Variants in RBPMS observed in about 807,000 individuals in gnomAD.
The protein encoded by RBPMS is RNA binding protein, mRNA processing factor, also known as RNA-binding protein with multiple splicing.
A neutral mutation model predicts 26.8 loss-of-function variants in RBPMS; 7 were observed. That is an observed-to-expected ratio of 0.26 (90% CI 0.15 to 0.49). The LOEUF (loss-of-function observed/expected upper bound fraction) is 0.49, where lower values mean the gene tolerates loss of function less well. Ranked by LOEUF, RBPMS falls within the 20% of genes least tolerant of loss-of-function variation. The pLI is 0.98. For synonymous variants in RBPMS, 96 were observed against 93.3 expected (o/e 1.03, Z -0.17); for missense variants, 186 against 250.0 (o/e 0.74, Z 1.73).
intron 1 of RBPMS, among the ~76,000 whole-genome samples, chr8:30,463,119 T>C (rs1209175160): frequency 2.0e-5 from 3 of 152,156 alleles, no homozygotes; most frequent in Non-Finnish European, 4.4e-5. Flanking sequence ...AAAATGCATC[T>C]TTTTTGTGAA....
intron 3 of RBPMS, 101 bp from the exon 4 acceptor site, chr8:30,479,214 T>C: frequency 1.2e-6 from 1 of 845,182 alleles, no homozygotes; most frequent in Non-Finnish European, 1.9e-6. Flanking sequence ...TTGCCTGTGG[T>C]CATTTCTTTA....
In RBPMS at chr8:30,479,426, G is replaced by A. The variant is rs768344675; in HGVS notation, c.246+49G>A. ...AGGGGGTTTCCATATGAGGTGGTGGGAAGTAATGGAATCTCTTTGGACGGG... is the reference window on the plus strand; with the variant it reads ...AGGGGGTTTCCATATGAGGTGGTGGAAAGTAATGGAATCTCTTTGGACGGG... On this transcript the variant is annotated intron_variant, in intron 4 of 8. Transcript: ENST00000397323. 2.4e-5 allele frequency: 31 copies of A among 1,284,888 alleles called. No individual in the cohort carries two copies. The Admixed American group carries it at 4.0e-4, about 17-fold the overall frequency. 79.6% of individuals were successfully genotyped at this position (1,284,888 alleles called of 1,614,324 possible). A position where few individuals can be genotyped will look rare whatever the true frequency, so the allele number is the denominator to read the frequency against.
intron 5 of RBPMS, among the ~76,000 whole-genome samples, chr8:30,525,707 C>T (rs1367756277): frequency 6.6e-6 from 1 of 152,172 alleles, no homozygotes; most frequent in Non-Finnish European, 1.5e-5. Context: ...TGCGGGGGAA[C>T]GTAGGTAGGT....
chr8:30,427,758 G>A (rs966366934), intron 1 of RBPMS, among the ~76,000 whole-genome samples: 2 of 152,208 alleles, frequency 1.3e-5, no homozygotes, highest in Admixed American at 6.5e-5. Context: ...CAAGTGGGTT[G>A]TGGGGTTAGA....
At chr8:30,392,100 T>A (rs1302718767) in intron 1 of RBPMS, among the ~76,000 whole-genome samples, 1 of 152,014 alleles carries the variant, frequency 6.6e-6, no homozygotes, top group African/African-American at 2.4e-5. Context: ...TTAATGGTGA[T>A]GCCCCTGTAT....
chr8:30,556,599 C>T, intron 6 of RBPMS: 1 of 986,496 alleles, frequency 1.0e-6, no homozygotes, highest in South Asian at 4.7e-5. Flanking sequence ...CCAGTCACAC[C>T]ACTGCGCTCC....
intron 1 of RBPMS, among the ~76,000 whole-genome samples, chr8:30,386,675 T>A (rs1585311668): frequency 6.6e-6 from 1 of 152,174 alleles, no homozygotes; most frequent in South Asian, 2.1e-4. Flanking sequence ...CTTAAAAAAA[T>A]TTAAAAATAA....
intron 1 of RBPMS, among the ~76,000 whole-genome samples, chr8:30,419,551 T>G (rs1810513551): frequency 6.6e-6 from 1 of 151,802 alleles, no homozygotes; most frequent in Admixed American, 6.6e-5. Flanking sequence ...CTGAAGCTTT[T>G]TGAGCACTGA....
intron 1 of RBPMS, among the ~76,000 whole-genome samples, chr8:30,411,038 C>T (rs139867726): frequency 2.0e-5 from 3 of 152,172 alleles, no homozygotes; most frequent in South Asian, 4.2e-4. Flanking sequence ...TGTGCCTGGC[C>T]GTGAAATTTT....
chr8:30,493,910 T>C (rs1162107933), intron 4 of RBPMS, among the ~76,000 whole-genome samples: 1 of 152,192 alleles, frequency 6.6e-6, no homozygotes, highest in Non-Finnish European at 1.5e-5. Context: ...ACAAAGCAGA[T>C]TCTCCTAGGG....
intron 6 of RBPMS, among the ~76,000 whole-genome samples, chr8:30,549,793 T>TCTCTCTCTCTCTCTCTCTCTCTCCCTCC (rs1464873852): frequency 9.1e-6 from 1 of 109,368 alleles, no homozygotes; most frequent in African/African-American, 4.1e-5. Context: ...TCTCTCTCTC[T>TCTCTCTCTCTCTCTCTCTCTCTCCCTCC]CTCCCCTCTC....
intron 3 of RBPMS, among the ~76,000 whole-genome samples, 169 bp from the exon 4 acceptor site, chr8:30,479,146 A>G (rs1818016367): frequency 6.6e-6 from 1 of 152,156 alleles, no homozygotes. Context: ...CATATTAGAA[A>G]TTTGGCTAAG....
chr8:30,386,637 G>A (rs920198217), intron 1 of RBPMS, among the ~76,000 whole-genome samples: 1 of 151,920 alleles, frequency 6.6e-6, no homozygotes, highest in African/African-American at 2.4e-5. Flanking sequence ...AACTTTACTG[G>A]CTGCTTTGCT....
At chr8:30,480,582 A>G (rs1164566980) in intron 4 of RBPMS, among the ~76,000 whole-genome samples, 1 of 152,148 alleles carries the variant, frequency 6.6e-6, no homozygotes, top group Non-Finnish European at 1.5e-5. Context: ...CTTTTTCTGG[A>G]TTTGGATAAA....
intron 1 of RBPMS, among the ~76,000 whole-genome samples, chr8:30,437,142 T>C (rs1240298094): frequency 1.3e-5 from 2 of 151,496 alleles, no homozygotes; most frequent in African/African-American, 4.8e-5. Context: ...AGGATGGTCT[T>C]GATCTCCTGA....
chr8:30,466,274 G>A (rs370765535), intron 1 of RBPMS, among the ~76,000 whole-genome samples: 6 of 152,350 alleles, frequency 3.9e-5, no homozygotes, highest in Admixed American at 2.0e-4. Context: ...TAGCCTAGGT[G>A]TGATAGCTTA....
At chr8:30,445,649 G>GAGATATATATATATAT (rs1198019611) in intron 1 of RBPMS, among the ~76,000 whole-genome samples, 1 of 107,368 alleles carries the variant, frequency 9.3e-6, no homozygotes, top group Non-Finnish European at 1.9e-5. Flanking sequence ...TATACACACG[G>GAGATATATATATATAT]ATATATATAT....
At chr8:30,534,129 A>G (rs73245329) in intron 5 of RBPMS, among the ~76,000 whole-genome samples, 895 of 38,704 alleles carry the variant, frequency 0.023, 5 homozygotes, top group African/African-American at 0.062. Context: ...CGAGACTCTC[A>G]AAAAAAAAAA....
chr8:30,562,748 C>T (rs1178495144), intron 7 of RBPMS, among the ~76,000 whole-genome samples: 1 of 152,056 alleles, frequency 6.6e-6, no homozygotes, highest in Non-Finnish European at 1.5e-5. Flanking sequence ...CTCCGTTCGG[C>T]GGGGAGGGCT....
Sources: allele counts gnomAD v4.1 joint callset (sites outside exome capture counted in the v4.1 genomes callset), GRCh38; gene constraint gnomAD v4.1.1; transcripts MANE v1.5; gene names NCBI Gene and HGNC (gene_info 2026-07-23, HGNC 2026-07-21).